The following SATL1 variants were observed in gnomAD, a reference collection of about 807,000 sequenced individuals.
The protein encoded by SATL1 is spermidine/spermine N(1)-acetyltransferase-like protein 1.
A neutral mutation model predicts 51.8 loss-of-function variants in SATL1; 47 were observed. The ratio of observed to expected loss-of-function variants is 0.91; its 90% confidence interval spans 0.72 to 1.16. The LOEUF (loss-of-function observed/expected upper bound fraction) is 1.16, where lower values mean the gene tolerates loss of function less well. Ranked by LOEUF, SATL1 falls within the 50% of genes most tolerant of loss-of-function variation. The probability of loss-of-function intolerance (pLI) is 0.00; values close to 1 mark genes in which losing one functional copy is unlikely to be tolerated. For synonymous variants in SATL1, 176 were observed against 182.4 expected, an observed-to-expected ratio of 0.97 and a Z score of 0.28; for missense variants, 520 against 526.4, an observed-to-expected ratio of 0.99 and a Z score of 0.12.
chrX:85,184,809 C>A (rs1927278226), intron 2 of SATL1, among the ~76,000 whole-genome samples: 1 of 112,118 alleles, frequency 8.9e-6, no homozygotes. Context: ...GTATTTCTAA[C>A]TTCCCATAAT....
chrX:85,174,381 G>A (rs1927044703), intron 2 of SATL1, among the ~76,000 whole-genome samples: 1 of 107,961 alleles, frequency 9.3e-6, no homozygotes, highest in Non-Finnish European at 1.9e-5. Context: ...GGAGTGCAAT[G>A]GCATAATCTC....
At chrX:85,225,969 C>T (rs1011672620) in intron 1 of SATL1, among the ~76,000 whole-genome samples, 15 of 110,520 alleles carry the variant, frequency 1.4e-4, no homozygotes. Flanking sequence ...CCCCAACCCC[C>T]ACACTCATAG....
At chrX:85,164,541 A>C (rs956201537) in intron 2 of SATL1, among the ~76,000 whole-genome samples, 1 of 110,541 alleles carries the variant, frequency 9.0e-6, no homozygotes, top group African/African-American at 3.3e-5. Flanking sequence ...TAATTATTTT[A>C]TTTAAGGAGG....
intron 2 of SATL1, among the ~76,000 whole-genome samples, chrX:85,152,498 C>T (rs1418399240): frequency 8.9e-6 from 1 of 111,746 alleles, no homozygotes; most frequent in African/African-American, 3.3e-5. Context: ...AATCATGCTG[C>T]TTTAAAGACA....
intron 1 of SATL1, among the ~76,000 whole-genome samples, chrX:85,230,773 T>C (rs755459878): frequency 1.4e-4 from 16 of 112,385 alleles, no homozygotes; most frequent in African/African-American, 5.2e-4. Flanking sequence ...AAGAGTTGAA[T>C]AGACATTTCT....
chrX:85,106,078 GATTA>G (rs1375578503), intron 3 of SATL1, among the ~76,000 whole-genome samples: 7 of 111,923 alleles, frequency 6.3e-5, no homozygotes, highest in Non-Finnish European at 1.1e-4. Flanking sequence ...CAGGTAAAGA[GATTA>G]ATTGTCATTC....
intron 2 of SATL1, among the ~76,000 whole-genome samples, chrX:85,137,167 G>A (rs925286158): frequency 4.5e-5 from 5 of 111,553 alleles, no homozygotes; most frequent in Non-Finnish European, 9.4e-5. Flanking sequence ...GAATGGAAGA[G>A]TTAAGGATGA....
rs147913757 is a variant in SATL1 at position 85,141,744 on chromosome X, T to C, written c.-312-32464A>G. On this transcript the variant is annotated intron_variant, in intron 2 of 7. Transcript: ENST00000644105. ...AACATATAAATTCTGAATCAAGAGA[T>C]ACTCAGCCTCCTGTCAAAAACCAAT... Among the ~76,000 whole-genome samples the C allele has an allele frequency of 1.5e-4, 17 of 110,170 alleles. No homozygotes were observed. The East Asian group carries it at 4.1e-3, about 26-fold the overall frequency.
chrX:85,160,065 T>C (rs972941325), intron 2 of SATL1, among the ~76,000 whole-genome samples: 2 of 110,739 alleles, frequency 1.8e-5, no homozygotes, highest in Non-Finnish European at 3.8e-5. Flanking sequence ...GTTCAGGAGT[T>C]GTGAGCTGAG....
At chrX:85,132,737 G>A (rs775917022) in intron 2 of SATL1, among the ~76,000 whole-genome samples, 3 of 111,827 alleles carry the variant, frequency 2.7e-5, no homozygotes, top group Admixed American at 9.5e-5. Context: ...GGGCACTCTC[G>A]TTTTTAGAGT....
intron 2 of SATL1, among the ~76,000 whole-genome samples, chrX:85,132,535 T>C (rs775118937): frequency 1.8e-5 from 2 of 112,087 alleles, no homozygotes; most frequent in South Asian, 7.5e-4. Context: ...CTGTTTATTC[T>C]AGTTAGCCAT....
Position 85,108,559 on chromosome X carries a change from G to T in SATL1, c.410C>A (p.Pro137Gln), listed in dbSNP as rs775564642. 12 of 1,207,332 alleles carry T rather than the reference G, an allele frequency of 9.9e-6. No individual in the cohort carries two copies. The South Asian group carries it at 2.1e-4, about 21-fold the overall frequency. The change falls in exon 3 of 8, where the codon CCA becomes CAA. Residue 137 changes from proline to glutamine, a missense_variant. By Grantham distance (76) the Pro-to-Gln change is moderately conservative. Around this residue, in one of 3 missense-constraint regions of SATL1, gnomAD observed 488 missense variants for 474.3 expected, o/e 1.03. Coordinates refer to ENST00000644105, the MANE Select transcript of SATL1 (RefSeq NM_001367857.2). ...IGTNQSGMSQPVMQQLDSQSG... is the reference protein window; with the variant it reads ...IGTNQSGMSQQVMQQLDSQSG... ...CTGGCTGTCTAGTTGCTGCATCACT[G>T]GTTGGCTCATACCTGATTGGTTCGT... is the stretch of plus-strand genomic sequence containing the variant.
At chrX:85,129,250 T>C (rs1925712028) in intron 2 of SATL1, among the ~76,000 whole-genome samples, 1 of 112,180 alleles carries the variant, frequency 8.9e-6, no homozygotes, top group African/African-American at 3.2e-5. Flanking sequence ...AATGGCCATT[T>C]TCATGATATT....
At chrX:85,105,391 T>A (rs955921344) in intron 3 of SATL1, among the ~76,000 whole-genome samples, 1 of 111,527 alleles carries the variant, frequency 9.0e-6, no homozygotes, top group Admixed American at 9.6e-5. Flanking sequence ...TCTTTTATAC[T>A]ACTTGGTATA....
chrX:85,194,235 G>A (rs1927502735), intron 2 of SATL1, among the ~76,000 whole-genome samples: 1 of 111,897 alleles, frequency 8.9e-6, no homozygotes, highest in African/African-American at 3.3e-5. Flanking sequence ...GAAGACAGTG[G>A]CAGGTGGTAG....
intron 2 of SATL1, among the ~76,000 whole-genome samples, chrX:85,141,939 A>G (rs1255119313): frequency 9.4e-6 from 1 of 106,639 alleles, no homozygotes; most frequent in African/African-American, 3.4e-5. Context: ...ATGTGCATGT[A>G]TATTTTCATA....
intron 1 of SATL1, among the ~76,000 whole-genome samples, chrX:85,232,654 A>G (rs1364557517): frequency 2.7e-5 from 3 of 112,060 alleles, no homozygotes; most frequent in African/African-American, 9.7e-5. Flanking sequence ...GTGTCTAGGC[A>G]GTACTCGCCA....
chrX:85,187,532 T>A (rs1471247108), intron 2 of SATL1, among the ~76,000 whole-genome samples: 1 of 112,015 alleles, frequency 8.9e-6, no homozygotes, highest in Admixed American at 9.5e-5. Context: ...CACAAAAGGA[T>A]GTTGATCTTT....
chrX:85,237,385 T>C (rs1928501429), intron 1 of SATL1, among the ~76,000 whole-genome samples: 1 of 111,317 alleles, frequency 9.0e-6, no homozygotes, highest in South Asian at 3.7e-4. Context: ...GAACCAATTC[T>C]GAATGAATAT....
Sources: gnomAD v4.1 joint callset for allele counts (sites outside exome capture counted in the v4.1 genomes callset) on GRCh38, gnomAD v4.1.1 for gene constraint, gnomAD v4.1.1 regional missense constraint, MANE v1.5 for transcripts, NCBI Gene and HGNC (gene_info 2026-07-23, HGNC 2026-07-21) for gene names.